Variants in PRKG1 observed in about 807,000 individuals in gnomAD.
PRKG1 encodes cGMP-dependent protein kinase 1.
Under a neutral mutation model 88.1 loss-of-function variants are expected in PRKG1, and 35 were observed. The ratio of observed to expected loss-of-function variants is 0.40; its 90% CI spans 0.30 to 0.53. The LOEUF is 0.53. PRKG1 is among the 20% of genes least tolerant of loss of function. PRKG1 has a pLI of 0.59. For synonymous variants in PRKG1, 303 were observed against 292.5 expected (o/e 1.04, Z -0.37); for missense variants, 540 against 839.8 (o/e 0.64, Z 4.41).
In PRKG1 at chr10:52,043,844, A is replaced by T. The variant is rs774837880; in HGVS notation, c.763-10640A>T. 5.1e-4 allele frequency among the ~76,000 whole-genome samples: 77 copies of T among 150,038 alleles called. 1 individual carries two copies. Among genetic ancestry groups the T allele is most frequent in the Non-Finnish European group, 1.0e-4 (7 of 67,384 alleles). On this transcript the variant is annotated intron_variant, in intron 5 of 17. Transcript: ENST00000373980. ...ATCAATTAAAAGAAAAACTTAAAAA[A>T]TTTTGGAAAAAAAAACCAAGGATTG...
intron 1 of PRKG1, among the ~76,000 whole-genome samples, chr10:51,047,509 T>C (rs1843505124): frequency 6.6e-6 from 1 of 151,282 alleles, no homozygotes; most frequent in Non-Finnish European, 1.5e-5. Flanking sequence ...ATCCATGAGA[T>C]AAATTGAGCT....
chr10:51,951,699 A>T (rs1411386869), intron 5 of PRKG1, among the ~76,000 whole-genome samples: 2 of 152,280 alleles, frequency 1.3e-5, no homozygotes, highest in African/African-American at 2.4e-5. Context: ...AAAAAATAAA[A>T]CAATGGGGAC....
At chr10:51,253,719 C>T (rs10822496) in intron 2 of PRKG1, among the ~76,000 whole-genome samples, 18 of 151,514 alleles carry the variant, frequency 1.2e-4, no homozygotes, top group East Asian at 1.9e-4. Flanking sequence ...ATTTTATCAG[C>T]GAGGTGCAGA....
chr10:52,085,141 CAG>C (rs1846879388), intron 7 of PRKG1, among the ~76,000 whole-genome samples: 1 of 152,034 alleles, frequency 6.6e-6, no homozygotes, highest in African/African-American at 2.4e-5. Context: ...GGTCATTGCT[CAG>C]AGTTTCCACT....
intron 1 of PRKG1, among the ~76,000 whole-genome samples, chr10:51,040,996 T>C (rs1460881343): frequency 6.6e-6 from 1 of 152,142 alleles, no homozygotes; most frequent in Non-Finnish European, 1.5e-5. Flanking sequence ...CTGGTTGCTC[T>C]AGCTAGGACT....
chr10:51,698,288 C>T (rs771847513), intron 3 of PRKG1: 18 of 1,614,014 alleles, frequency 1.1e-5, no homozygotes, highest in Admixed American at 3.3e-5. Flanking sequence ...TTCCATGGCA[C>T]GAGTCTCCAT....
intron 4 of PRKG1, among the ~76,000 whole-genome samples, chr10:51,813,326 AACTTCAGTT>A (rs2132627378): frequency 1.3e-5 from 2 of 152,322 alleles, no homozygotes; most frequent in South Asian, 4.2e-4. Context: ...ACAATGCCAA[AACTTCAGTT>A]ACATTTGCAC....
chr10:51,094,005 A>G (rs931583923), intron 1 of PRKG1, among the ~76,000 whole-genome samples: 2 of 151,620 alleles, frequency 1.3e-5, no homozygotes, highest in African/African-American at 2.4e-5. Context: ...ACCTTTGTTG[A>G]TCCAGGCCCC....
At chr10:52,032,971 G>A (rs964957923) in intron 5 of PRKG1, among the ~76,000 whole-genome samples, 2 of 152,174 alleles carry the variant, frequency 1.3e-5, no homozygotes, top group Admixed American at 1.3e-4. Flanking sequence ...TATCTATAAA[G>A]ATAGTTGTCA....
In PRKG1 at chr10:51,735,713, G is replaced by A. The variant is rs543220797; in HGVS notation, c.593-68872G>A. On this transcript the variant is annotated intron_variant, in intron 3 of 17. Transcript: ENST00000373980. Reference sequence around the variant, plus strand: ...GTAGTTATAATACCTAATACAAAATGTAAATAGTTGTTATACTGCATTATT... The same window carrying A: ...GTAGTTATAATACCTAATACAAAATATAAATAGTTGTTATACTGCATTATT... Among the ~76,000 whole-genome samples the A allele has an allele frequency of 2.0e-5, 3 of 151,754 alleles. No individual in the cohort carries two copies. The East Asian group carries it at 5.8e-4, about 29-fold the overall frequency.
intron 3 of PRKG1, among the ~76,000 whole-genome samples, chr10:51,659,230 A>G (rs1166137452): frequency 6.6e-6 from 1 of 152,146 alleles, no homozygotes; most frequent in African/African-American, 2.4e-5. Flanking sequence ...GAGAACAAGC[A>G]TAAATATACC....
intron 1 of PRKG1, among the ~76,000 whole-genome samples, chr10:51,030,187 A>G (rs895715076): frequency 6.6e-6 from 1 of 152,004 alleles, no homozygotes; most frequent in African/African-American, 2.4e-5. Flanking sequence ...ATAAATACCA[A>G]TGACTATATT....
At chr10:51,985,417 T>G (rs1487215693) in intron 5 of PRKG1, among the ~76,000 whole-genome samples, 1 of 152,178 alleles carries the variant, frequency 6.6e-6, no homozygotes, top group East Asian at 1.9e-4. Flanking sequence ...TCAAAAAATG[T>G]TATTCATAGC....
intron 3 of PRKG1, among the ~76,000 whole-genome samples, chr10:51,712,621 G>T (rs1194107918): frequency 8.8e-6 from 1 of 114,108 alleles, no homozygotes; most frequent in Non-Finnish European, 1.6e-5. Context: ...ACGGAGTCTC[G>T]CTCAGTCGCC....
intron 2 of PRKG1, among the ~76,000 whole-genome samples, chr10:51,171,900 AGT>A (rs999261907): frequency 6.6e-6 from 1 of 152,102 alleles, no homozygotes; most frequent in Non-Finnish European, 1.5e-5. Flanking sequence ...TATACTTGAT[AGT>A]GTGTTTCCTC....
At chr10:52,145,255 T>G (rs1837699600) in intron 8 of PRKG1, among the ~76,000 whole-genome samples, 1 of 152,216 alleles carries the variant, frequency 6.6e-6, no homozygotes. Context: ...ATTCATTTTT[T>G]TCCAGTAAAT....
intron 5 of PRKG1, among the ~76,000 whole-genome samples, chr10:51,917,535 T>C (rs1182688818): frequency 6.6e-6 from 1 of 152,180 alleles, no homozygotes; most frequent in East Asian, 1.9e-4. Context: ...AGGAAACTTT[T>C]GGGCTTATAA....
intron 2 of PRKG1, among the ~76,000 whole-genome samples, chr10:51,181,356 C>T (rs1316122935): frequency 6.7e-6 from 1 of 149,208 alleles, no homozygotes; most frequent in Admixed American, 6.7e-5. Flanking sequence ...ATTCTCCTGC[C>T]TCAGCCTCCC....
chr10:52,114,888 A>G (rs1847651228), intron 7 of PRKG1, among the ~76,000 whole-genome samples: 1 of 152,112 alleles, frequency 6.6e-6, no homozygotes, highest in Non-Finnish European at 1.5e-5. Flanking sequence ...GGAGCATTGT[A>G]AAGGAAATAG....
Sources: allele counts gnomAD v4.1 joint callset (sites outside exome capture counted in the v4.1 genomes callset), GRCh38; gene constraint gnomAD v4.1.1; transcripts MANE v1.5; gene names NCBI Gene and HGNC (gene_info 2026-07-23, HGNC 2026-07-21).